The following FNIP1 variants were observed in gnomAD, a reference collection of about 807,000 sequenced individuals.
FNIP1 encodes the protein folliculin interacting protein 1, also known as folliculin-interacting protein 1.
A neutral mutation model predicts 124.5 loss-of-function variants in FNIP1; 40 were observed. The ratio of observed to expected loss-of-function variants is 0.32; its 90% confidence interval spans 0.25 to 0.42. FNIP1 has a LOEUF of 0.42. FNIP1 is among the 10% of genes least tolerant of loss of function. The probability of loss-of-function intolerance (pLI) is 1.00; values close to 1 mark genes in which losing one functional copy is unlikely to be tolerated. For missense variants in FNIP1, 1,176 were observed against 1,403.7 expected, an observed-to-expected ratio of 0.84 and a Z score of 2.59; for synonymous variants, 472 against 470.6, an observed-to-expected ratio of 1.00 and a Z score of -0.04.
intron 11 of FNIP1, among the ~76,000 whole-genome samples, chr5:131,685,802 T>TC (rs1332868796): frequency 4.0e-5 from 1 of 25,014 alleles, no homozygotes; most frequent in Non-Finnish European, 1.0e-4. Context: ...CTCACTCCAG[T>TC]TAAAAAAAAA....
intron 15 of FNIP1, among the ~76,000 whole-genome samples, chr5:131,658,907 C>CAAAAAA (rs70974003): frequency 0.026 from 1,057 of 41,028 alleles, 97 homozygotes; most frequent in African/African-American, 0.032. Context: ...TGGGTCTAGC[C>CAAAAAA]AAAAAAAAAA....
At chr5:131,775,336 T>C (rs1771764715) in intron 1 of FNIP1, among the ~76,000 whole-genome samples, 1 of 152,104 alleles carries the variant, frequency 6.6e-6, no homozygotes. Flanking sequence ...TCTGAGCTTT[T>C]TAAATTAACA....
rs896303595 is a variant in FNIP1 at position 131,644,218 on chromosome 5, A to G, written c.*467T>C. ...TACTTACTTTGAGAAATAACCAGAC[A>G]TTAGCTGTTTTGAATTGCAAAACTA... is the stretch of plus-strand genomic sequence containing the variant. On this transcript the variant is annotated 3_prime_UTR_variant, in exon 18 of 18. Transcript: ENST00000510461. 6.5e-6 allele frequency: 1 copy of G among 152,694 alleles called. No individual in the cohort carries two copies. Among genetic ancestry groups the G allele is most frequent in the Non-Finnish European group, 1.5e-5 (1 of 68,304 alleles). 9.5% of individuals were successfully genotyped at this position (152,694 alleles called of 1,614,324 possible).
intron 15 of FNIP1, among the ~76,000 whole-genome samples, chr5:131,662,557 G>A (rs559005575): frequency 6.6e-6 from 1 of 152,182 alleles, no homozygotes; most frequent in East Asian, 1.9e-4. Flanking sequence ...CAAAGGCTTT[G>A]CCCTCCCACA....
intron 1 of FNIP1, among the ~76,000 whole-genome samples, chr5:131,758,774 A>G (rs1295903559): frequency 6.6e-6 from 1 of 152,166 alleles, no homozygotes; most frequent in African/African-American, 2.4e-5. Context: ...TCAGAAGACC[A>G]TGTGAACTCC....
chr5:131,749,937 T>C (rs999969560), intron 1 of FNIP1, among the ~76,000 whole-genome samples: 32 of 152,154 alleles, frequency 2.1e-4, no homozygotes, highest in African/African-American at 7.5e-4. Context: ...TGCCTAACAA[T>C]GCATTCCTCA....
Position 131,680,833 on chromosome 5 carries a change from T to A in FNIP1, c.1203-1658A>T, listed in dbSNP as rs1008478987. 2.0e-5 allele frequency among the ~76,000 whole-genome samples: 3 copies of A among 152,326 alleles called. No individual in the cohort carries two copies. In the South Asian group the frequency reaches 6.2e-4, roughly 32 times the overall value. ...CTGAAAATTAAAATTAGAGATTTCA[T>A]GAAATTCTGGAATACAAACATATGG... On this transcript the variant is annotated intron_variant, in intron 11 of 17. Coordinates refer to ENST00000510461, the MANE Select transcript of FNIP1 (RefSeq NM_133372.3).
intron 1 of FNIP1, among the ~76,000 whole-genome samples, chr5:131,769,270 C>CTTCTTG (rs1771544732): frequency 6.6e-6 from 1 of 152,106 alleles, no homozygotes; most frequent in Non-Finnish European, 1.5e-5. Flanking sequence ...TTCAAGAAGT[C>CTTCTTG]ATTCTAATAA....
intron 1 of FNIP1, among the ~76,000 whole-genome samples, chr5:131,751,515 G>C (rs1770871045): frequency 6.7e-6 from 1 of 150,148 alleles, no homozygotes; most frequent in Admixed American, 6.7e-5. Flanking sequence ...ATATCCCTAA[G>C]TAAATGTAAT....
intron 14 of FNIP1, 140 bp from the exon 15 acceptor site, chr5:131,670,771 A>G: frequency 3.8e-6 from 2 of 531,850 alleles, no homozygotes; most frequent in Non-Finnish European, 6.3e-6. Flanking sequence ...TCCTTATATA[A>G]TGGTAACAAT....
intron 16 of FNIP1, among the ~76,000 whole-genome samples, chr5:131,648,217 C>T (rs1177419007): frequency 2.6e-4 from 37 of 144,448 alleles, no homozygotes; most frequent in Non-Finnish European, 6.0e-5. Flanking sequence ...CATGGTGGCA[C>T]GTGCCTGTAG....
At chr5:131,656,532 C>G (rs1163006793) in intron 15 of FNIP1, among the ~76,000 whole-genome samples, 1 of 152,020 alleles carries the variant, frequency 6.6e-6, no homozygotes, top group Non-Finnish European at 1.5e-5. Flanking sequence ...CATTATATGA[C>G]AACTTAAAGC....
intron 15 of FNIP1, among the ~76,000 whole-genome samples, chr5:131,668,927 G>A (rs907850558): frequency 6.6e-6 from 1 of 152,154 alleles, no homozygotes; most frequent in Non-Finnish European, 1.5e-5. Flanking sequence ...TACAATTTAA[G>A]TGAAACCACG....
At chr5:131,730,544 A>G (rs1770046418) in intron 3 of FNIP1, among the ~76,000 whole-genome samples, 1 of 152,202 alleles carries the variant, frequency 6.6e-6, no homozygotes, top group South Asian at 2.1e-4. Context: ...AAAACTGTGT[A>G]TTATGTATAC....
intron 1 of FNIP1, among the ~76,000 whole-genome samples, chr5:131,776,454 C>A (rs1393932724): frequency 6.6e-6 from 1 of 152,178 alleles, no homozygotes; most frequent in Non-Finnish European, 1.5e-5. Flanking sequence ...CAGCACTATT[C>A]TTAATAGTCA....
intron 9 of FNIP1, among the ~76,000 whole-genome samples, chr5:131,705,190 G>A (rs1456562653): frequency 6.6e-6 from 1 of 152,074 alleles, no homozygotes; most frequent in Non-Finnish European, 1.5e-5. Context: ...AGATGATCAA[G>A]TCAGATGTGG....
intron 1 of FNIP1, among the ~76,000 whole-genome samples, chr5:131,753,679 T>C (rs530612744): frequency 1.3e-4 from 20 of 152,350 alleles, no homozygotes; most frequent in Middle Eastern, 3.4e-3. Flanking sequence ...GTTAAGTAGA[T>C]GCATATATTT....
intron 16 of FNIP1, among the ~76,000 whole-genome samples, chr5:131,650,585 C>T (rs566021372): frequency 6.6e-6 from 1 of 152,172 alleles, no homozygotes; most frequent in Non-Finnish European, 1.5e-5. Flanking sequence ...TTTATTTCCT[C>T]TTTTCCAATC....
At chr5:131,663,444 C>T (rs116521433) in intron 15 of FNIP1, among the ~76,000 whole-genome samples, 5,124 of 152,128 alleles carry the variant, frequency 0.034, 261 homozygotes, top group African/African-American at 0.11. Flanking sequence ...GAAAAATAAG[C>T]GCTTGAATCA....
Sources: gnomAD v4.1 joint callset for allele counts (sites outside exome capture counted in the v4.1 genomes callset) on GRCh38, gnomAD v4.1.1 for gene constraint, MANE v1.5 for transcripts, NCBI Gene and HGNC (gene_info 2026-07-23, HGNC 2026-07-21) for gene names.